PLAAT5: variants seen among roughly 807,000 people sequenced by gnomAD.
PLAAT5 encodes the protein Ca(2+)-independent N-acyltransferase.
Under a neutral mutation model 27.8 loss-of-function variants are expected in PLAAT5, and 27 were observed. That is an observed-to-expected ratio of 0.97 (90% CI 0.72 to 1.34). The LOEUF (loss-of-function observed/expected upper bound fraction) is 1.34, where lower values mean the gene tolerates loss of function less well. Among genes scored for constraint, PLAAT5 ranks in the 40% most tolerant of loss-of-function variants. The pLI is 0.00. For missense variants in PLAAT5, 368 were observed against 343.8 expected (o/e 1.07, Z -0.56); for synonymous variants, 125 against 136.1 (o/e 0.92, Z 0.57).
intron 3 of PLAAT5, among the ~76,000 whole-genome samples, chr11:63,484,366 C>T (rs1014056902): frequency 2.6e-5 from 4 of 151,896 alleles, no homozygotes; most frequent in Non-Finnish European, 5.9e-5. Context: ...ACCAATATCC[C>T]TGATGAACAC....
At position 63,468,389 on chromosome 11, in the gene PLAAT5, T is replaced by G. The variant is rs2015921423; in HGVS notation, c.422A>C (p.Glu141Ala). 6.2e-7 allele frequency: 1 copy of G among 1,614,100 alleles called. No individual in the cohort carries two copies. Among genetic ancestry groups the G allele is most frequent in the Admixed American group, 1.7e-5 (1 of 60,032 alleles). ...IGYEHWAIYV[E>A]DDCVVHLAPP... ...AGCCAGATGGACCACGCAATCATCT[T>G]CTACATAGATGGCCCAGTGCTCATA... The change falls in exon 4 of 6, where the codon GAA becomes GCA. Residue 141 changes from glutamate to alanine, a missense_variant. By Grantham distance (107) the Glu-to-Ala change is moderately radical. Coordinates refer to ENST00000540857, the MANE Select transcript of PLAAT5 (RefSeq NM_001146729.2).
intron 3 of PLAAT5, among the ~76,000 whole-genome samples, chr11:63,488,240 G>A (rs1307630944): frequency 6.6e-6 from 1 of 152,188 alleles, no homozygotes; most frequent in Non-Finnish European, 1.5e-5. Flanking sequence ...ACACATCTAT[G>A]GTGACAAAAA....
intron 2 of PLAAT5, among the ~76,000 whole-genome samples, chr11:63,489,689 T>G (rs1377633392): frequency 6.6e-6 from 1 of 152,186 alleles, no homozygotes; most frequent in Non-Finnish European, 1.5e-5. Context: ...CTCACAGTGG[T>G]CAAGAAGGTG....
At chr11:63,474,288 T>C (rs948464881) in intron 3 of PLAAT5, among the ~76,000 whole-genome samples, 1 of 152,230 alleles carries the variant, frequency 6.6e-6, no homozygotes, top group Non-Finnish European at 1.5e-5. Flanking sequence ...ATTTTTCTTA[T>C]TTAAACGCAT....
At chr11:63,483,809 A>ATATATATATG (rs2016357297) in intron 3 of PLAAT5, among the ~76,000 whole-genome samples, 3 of 86,118 alleles carry the variant, frequency 3.5e-5, no homozygotes, top group Non-Finnish European at 6.7e-5. Flanking sequence ...ATGTATATAT[A>ATATATATATG]TATATATATA....
chr11:63,486,488 A>C (rs1429608025), intron 3 of PLAAT5, among the ~76,000 whole-genome samples: 1 of 152,188 alleles, frequency 6.6e-6, no homozygotes, highest in African/African-American at 2.4e-5. Context: ...CGTAAAAAGG[A>C]ATGAAACAAT....
At chr11:63,464,641 G>A (rs2015808711) in intron 5 of PLAAT5, among the ~76,000 whole-genome samples, 1 of 149,746 alleles carries the variant, frequency 6.7e-6, no homozygotes, top group South Asian at 2.1e-4. Flanking sequence ...GGGTGACAGA[G>A]CAAGACTCTG....
At chr11:63,469,070 TG>T (rs905883141) in intron 3 of PLAAT5, among the ~76,000 whole-genome samples, 1 of 151,276 alleles carries the variant, frequency 6.6e-6, no homozygotes, top group African/African-American at 2.4e-5. Flanking sequence ...ACTTCAGTCC[TG>T]CTTGCCCAGC....
In PLAAT5 at chr11:63,478,856, A is replaced by G. The variant is rs550955085; in HGVS notation, c.345+10015T>C. On this transcript the variant is annotated intron_variant, in intron 3 of 5. Transcript: ENST00000540857. ...TCATGGAAGGAACTGAGGCCAAGAG[A>G]GAGGAAGTGCTTTGTCTAAAGTCCC... Among the ~76,000 whole-genome samples the G allele has an allele frequency of 3.3e-5, 5 of 152,334 alleles. No homozygotes were observed. In the South Asian group the frequency reaches 8.3e-4, roughly 25 times the overall value.
Position 63,466,330 on chromosome 11 carries a change from T to C in PLAAT5, c.497A>G (p.Asn166Ser), listed in dbSNP as rs145530647. 10 of 1,613,922 alleles carry C rather than the reference T, an allele frequency of 6.2e-6. No individual in the cohort carries two copies. The highest frequency in any genetic ancestry group is 2.7e-5 in the African/African-American group (2 of 74,866). ...EVGSITSIFS[N>S]RAVVKYSRLE... ...ACGACTGTATTTCACCACGGCCCGA[T>C]TGCTAAAGATGGAAGTAATGCTGCC... The change falls in exon 5 of 6, where the codon AAT (asparagine) becomes AGT (serine). Residue 166 changes from asparagine to serine, a missense_variant. Asn to Ser is a conservative substitution (Grantham distance 46, BLOSUM62 1). Transcript: ENST00000540857.
chr11:63,464,490 T>C (rs1039233855), intron 5 of PLAAT5, among the ~76,000 whole-genome samples: 2 of 152,066 alleles, frequency 1.3e-5, no homozygotes, highest in African/African-American at 4.8e-5. Flanking sequence ...ACCCCATCTC[T>C]ACTAAAAATA....
chr11:63,465,371 AGTGTGTGTGTGTGTGTGTGT>A (rs58014474), intron 5 of PLAAT5, among the ~76,000 whole-genome samples: 1 of 145,274 alleles, frequency 6.9e-6, no homozygotes, highest in African/African-American at 2.6e-5. Flanking sequence ...TCAAACAAAA[AGTGTGTGTGTGTGTGTGTGT>A]GTGTGTGTGT....
chr11:63,479,667 CAT>C (rs2016237972), intron 3 of PLAAT5, among the ~76,000 whole-genome samples: 1 of 152,204 alleles, frequency 6.6e-6, no homozygotes, highest in African/African-American at 2.4e-5. Context: ...ATTATACACA[CAT>C]GACACAGGAG....
At chr11:63,483,116 A>C (rs1291673421) in intron 3 of PLAAT5, among the ~76,000 whole-genome samples, 1 of 152,182 alleles carries the variant, frequency 6.6e-6, no homozygotes, top group African/African-American at 2.4e-5. Flanking sequence ...ACCAATTATT[A>C]CTACACCTAA....
chr11:63,468,571 A>G (rs969853339), intron 3 of PLAAT5, 106 bp from the exon 4 acceptor site: 1 of 770,742 alleles, frequency 1.3e-6, no homozygotes, highest in East Asian at 2.6e-5. Flanking sequence ...AGTGTGGTTC[A>G]TCACTTCACA....
chr11:63,465,835 A>G (rs1436512105), intron 5 of PLAAT5, among the ~76,000 whole-genome samples: 3 of 152,138 alleles, frequency 2.0e-5, no homozygotes, highest in African/African-American at 7.2e-5. Flanking sequence ...GCTTTCAGAA[A>G]TATACTGATT....
At chr11:63,469,145 T>TGTGTGTGAGAGA (rs377110717) in intron 3 of PLAAT5, among the ~76,000 whole-genome samples, 73 of 122,792 alleles carry the variant, frequency 5.9e-4, no homozygotes, top group African/African-American at 2.0e-3. Flanking sequence ...TGTGTGTGTG[T>TGTGTGTGAGAGA]GAGAGAGAGA....
chr11:63,490,677 CATATGAG>C (rs1319667217), intron 1 of PLAAT5: 1 of 623,246 alleles, frequency 1.6e-6, no homozygotes, highest in African/African-American at 1.8e-5. Context: ...GCCTCACTTC[CATATGAG>C]ATATAGCGGG....
chr11:63,482,369 G>A (rs1428975759), intron 3 of PLAAT5, among the ~76,000 whole-genome samples: 7 of 152,106 alleles, frequency 4.6e-5, no homozygotes, highest in Admixed American at 1.3e-4. Context: ...AGGCAAAAGC[G>A]TCAGGTAACC....
Sources: allele counts gnomAD v4.1 joint callset (sites outside exome capture counted in the v4.1 genomes callset), GRCh38; gene constraint gnomAD v4.1.1; transcripts MANE v1.5; gene names NCBI Gene and HGNC (gene_info 2026-07-23, HGNC 2026-07-21).